The following SMPX variants were observed in gnomAD, a reference collection of about 807,000 sequenced individuals.
SMPX encodes small muscle protein X-linked, also known as small muscular protein.
Under a neutral mutation model 6.3 loss-of-function variants are expected in SMPX, and 2 were observed. The observed-to-expected ratio is 0.32, with a 90% confidence interval of 0.13 to 0.99. The LOEUF (loss-of-function observed/expected upper bound fraction) is 0.99. Ranked by LOEUF, SMPX falls within the 50% of genes least tolerant of loss-of-function variation. SMPX has a pLI of 0.49. For missense variants in SMPX, 60 were observed against 66.8 expected, an observed-to-expected ratio of 0.90 and a Z score of 0.36; for synonymous variants, 32 against 24.7, an observed-to-expected ratio of 1.30 and a Z score of -0.88.
chrX:21,728,574 C>A (rs2092800048), intron 4 of SMPX, among the ~76,000 whole-genome samples: 1 of 112,605 alleles, frequency 8.9e-6, no homozygotes, highest in African/African-American at 3.2e-5. Flanking sequence ...GTGACAGTGA[C>A]AGTTTCTGCA....
At position 21,737,550 on chromosome X, in the gene SMPX, T is replaced by G; in HGVS notation, c.*13A>C. 8.3e-7 allele frequency: 1 copy of G among 1,203,744 alleles called. No homozygotes were observed. The highest frequency in any genetic ancestry group is 1.1e-6 in the Non-Finnish European group (1 of 888,826). On this transcript the variant is annotated splice_region_variant and 3_prime_UTR_variant, in exon 4 of 5. Transcript: ENST00000379494. ...CAAAGAAGATAGTTTTTCACTCACC[T>G]TTTTTCTTCCTACTACTGTTCAGCT...
intron 1 of SMPX, among the ~76,000 whole-genome samples, chrX:21,757,012 G>T (rs1175140211): frequency 8.9e-6 from 1 of 111,833 alleles, no homozygotes; most frequent in Non-Finnish European, 1.9e-5. Flanking sequence ...GCTTGTCTTT[G>T]ATTGGGCAGC....
At chrX:21,706,806 G>A (rs2092773464) in intron 4 of SMPX, among the ~76,000 whole-genome samples, 1 of 109,972 alleles carries the variant, frequency 9.1e-6, no homozygotes. Flanking sequence ...GTTCTCATGA[G>A]ATCTCATGAT....
chrX:21,728,880 G>T (rs901527352), intron 4 of SMPX, among the ~76,000 whole-genome samples: 1 of 112,104 alleles, frequency 8.9e-6, no homozygotes, highest in Non-Finnish European at 1.9e-5. Context: ...CATGTGAGGT[G>T]CAAAATATGG....
chrX:21,731,483 ATGTGTGTATGTGTACACATACACATT>A (rs1569306514), intron 4 of SMPX, among the ~76,000 whole-genome samples: 2,818 of 84,883 alleles, frequency 0.033, 569 homozygotes, highest in African/African-American at 0.093. Context: ...CATACACATT[ATGTGTGTATGTGTACACATACACATT>A]ATGTGTGTAT....
chrX:21,738,733 C>A (rs1430082878), intron 3 of SMPX, among the ~76,000 whole-genome samples: 1 of 111,062 alleles, frequency 9.0e-6, no homozygotes, highest in Admixed American at 9.6e-5. Flanking sequence ...TAGCCAATGA[C>A]TGAGTGCGAC....
chrX:21,731,549 GTATATA>G (rs1407129437), intron 4 of SMPX, among the ~76,000 whole-genome samples: 57 of 77,742 alleles, frequency 7.3e-4, no homozygotes, highest in African/African-American at 9.7e-4. Context: ...GTGTGTATGT[GTATATA>G]TACACATTAT....
chrX:21,715,940 A>G (rs2092784651), intron 4 of SMPX, among the ~76,000 whole-genome samples: 1 of 112,043 alleles, frequency 8.9e-6, no homozygotes, highest in South Asian at 3.8e-4. Flanking sequence ...GCTGGTTTAG[A>G]GACAGCTGTT....
chrX:21,708,702 AT>A (rs2092775514), intron 4 of SMPX, among the ~76,000 whole-genome samples: 1 of 112,492 alleles, frequency 8.9e-6, no homozygotes, highest in Non-Finnish European at 1.9e-5. Context: ...AGCAGTCAGC[AT>A]AGGTTCTTGT....
At chrX:21,757,635 C>T (rs755972529) in intron 1 of SMPX, among the ~76,000 whole-genome samples, 1 of 111,830 alleles carries the variant, frequency 8.9e-6, no homozygotes, top group South Asian at 3.8e-4. Context: ...TGCAGCTGAC[C>T]GACTGTAATC....
chrX:21,728,692 T>C, intron 4 of SMPX, among the ~76,000 whole-genome samples: 1 of 112,500 alleles, frequency 8.9e-6, no homozygotes. Flanking sequence ...GTGATAGTGA[T>C]TAAAAGGACT....
At chrX:21,754,805 C>T (rs2092831122) in intron 1 of SMPX, among the ~76,000 whole-genome samples, 1 of 112,056 alleles carries the variant, frequency 8.9e-6, no homozygotes, top group Non-Finnish European at 1.9e-5. Context: ...CTGCGATGCT[C>T]TCTACTTGCT....
At chrX:21,736,280 C>T (rs1379736063) in intron 4 of SMPX, among the ~76,000 whole-genome samples, 1 of 111,863 alleles carries the variant, frequency 8.9e-6, no homozygotes, top group Admixed American at 9.5e-5. Flanking sequence ...CACAGCGGGG[C>T]CCTATCCGCC....
chrX:21,711,779 A>G (rs762055756), intron 4 of SMPX, among the ~76,000 whole-genome samples: 13 of 111,994 alleles, frequency 1.2e-4, no homozygotes, highest in African/African-American at 4.2e-4. Flanking sequence ...ATGTGGTGCT[A>G]AATCATAGAG....
rs776197983 is a variant in SMPX at position 21,715,311 on chromosome X, C to T, written c.*15-8917G>A. Among the ~76,000 whole-genome samples, 614 of 96,500 alleles carry T rather than the reference C, an allele frequency of 6.4e-3. 9 individuals are homozygous for T. Among genetic ancestry groups the T allele is most frequent in the African/African-American group, 0.031 (566 of 18,392 alleles). The allele number at this position is 96,500 out of a possible 115,157, so 83.8% of individuals were successfully genotyped here. On this transcript the variant is annotated intron_variant, in intron 4 of 4. Coordinates refer to ENST00000379494, the MANE Select transcript of SMPX (RefSeq NM_014332.3). Reference sequence around the variant, plus strand: ...GTGTGTGTGTGTGTGTGTGCGCGCACGCGCGCGCGCTCGCGCGCTGGTGGG... The same window carrying T: ...GTGTGTGTGTGTGTGTGTGCGCGCATGCGCGCGCGCTCGCGCGCTGGTGGG...
At chrX:21,754,219 C>T (rs769334610) in intron 2 of SMPX, 27 bp downstream of exon 2, 1 of 1,192,143 alleles carries the variant, frequency 8.4e-7, no homozygotes, top group Admixed American at 2.2e-5. Context: ...ATTAAGCAAC[C>T]AGGCAAGAAG....
chrX:21,708,608 C>T (rs911775570), intron 4 of SMPX, among the ~76,000 whole-genome samples: 2 of 111,931 alleles, frequency 1.8e-5, no homozygotes, highest in Non-Finnish European at 3.8e-5. Context: ...TGTTTCTACT[C>T]CACTAACAAG....
rs756555032 is a variant in SMPX at position 21,743,866 on chromosome X, C to CA, written c.46-31dup. ...AAGAGAAAACAGGGTAGGTTTAGCT[C>CA]AAAAAAAGTAAGAAATTGCAATGAC... On this transcript the variant is annotated intron_variant, in intron 2 of 4. Transcript: ENST00000379494. 5.5e-4 allele frequency: 583 copies of CA among 1,065,260 alleles called. 1 individual carries two copies. The African/African-American group carries it at 9.2e-3, about 17-fold the overall frequency. 87.8% of individuals were successfully genotyped at this position (1,065,260 alleles called of 1,213,427 possible).
intron 4 of SMPX, chrX:21,733,648 G>T (rs1158886652): frequency 3.1e-6 from 1 of 318,054 alleles, no homozygotes; most frequent in Admixed American, 3.2e-5. Context: ...ATTATTCTTA[G>T]GTTTTACCTT....
Sources: gnomAD v4.1 joint callset for allele counts (sites outside exome capture counted in the v4.1 genomes callset) on GRCh38, gnomAD v4.1.1 for gene constraint, MANE v1.5 for transcripts, NCBI Gene and HGNC (gene_info 2026-07-23, HGNC 2026-07-21) for gene names.